The following HOOK1 variants were observed in gnomAD, a reference collection of about 807,000 sequenced individuals.
The protein encoded by HOOK1 is protein Hook homolog 1.
HOOK1 carries 60 observed loss-of-function variants against 112.8 expected under a neutral mutation model. That is an observed-to-expected ratio of 0.53 (90% confidence interval 0.43 to 0.66). The LOEUF (loss-of-function observed/expected upper bound fraction) is 0.66, where lower values mean the gene tolerates loss of function less well. Ranked by LOEUF, HOOK1 falls within the 30% of genes least tolerant of loss-of-function variation. The pLI is 0.00. For missense variants in HOOK1, 770 were observed against 856.0 expected, an observed-to-expected ratio of 0.90 and a Z score of 1.25; for synonymous variants, 294 against 283.8, an observed-to-expected ratio of 1.04 and a Z score of -0.36.
chr1:59,859,889 C>G (rs2098412652), intron 14 of HOOK1, among the ~76,000 whole-genome samples: 1 of 151,982 alleles, frequency 6.6e-6, no homozygotes, highest in African/African-American at 2.4e-5. Context: ...TCTATTATCT[C>G]TTCAGGAATG....
chr1:59,815,380 G>A lies in HOOK1; in HGVS notation c.63+200G>A. On this transcript the variant is annotated intron_variant, in intron 1 of 21. Coordinates refer to ENST00000371208, the MANE Select transcript of HOOK1 (RefSeq NM_015888.6). ...TGTGGGCGCGGGTTGGTGTCCGGGG[G>A]TGGGGGTAAAGGAAGCTCTGGGAGC... 14 of 594,644 alleles carry A rather than the reference G, an allele frequency of 2.4e-5. No homozygotes were observed. In the South Asian group the frequency reaches 2.6e-4, roughly 11 times the overall value. 36.8% of individuals were successfully genotyped at this position (594,644 alleles called of 1,614,324 possible). A position where few individuals can be genotyped will look rare whatever the true frequency, so the allele number is the denominator to read the frequency against.
rs138966907 is a variant in HOOK1, at chr1:59,824,433, C to G, written c.149+2490C>G. 5.1e-3 allele frequency among the ~76,000 whole-genome samples: 782 copies of G among 152,194 alleles called. 6 individuals are homozygous for G. The highest frequency in any genetic ancestry group is 0.018 in the African/African-American group (748 of 41,524). On this transcript the variant is annotated intron_variant, in intron 2 of 21. Transcript: ENST00000371208. ...ATGTTGGTCAGGCAGGTCTTGAACT[C>G]CTGACCTCATGATCCGCCCACCTTG... is the stretch of plus-strand genomic sequence containing the variant.
intron 16 of HOOK1, 98 bp from the exon 17 acceptor site, chr1:59,864,534 T>C: frequency 1.4e-6 from 1 of 728,802 alleles, no homozygotes; most frequent in Non-Finnish European, 2.4e-6. Context: ...TAATTTTGCC[T>C]GGTACACCTT....
At chr1:59,867,222 A>G (rs1240947409) in intron 19 of HOOK1, among the ~76,000 whole-genome samples, 1 of 152,192 alleles carries the variant, frequency 6.6e-6, no homozygotes, top group Admixed American at 6.5e-5. Flanking sequence ...ACAAATCACA[A>G]CCATTTATCA....
intron 19 of HOOK1, 34 bp downstream of exon 19, chr1:59,866,006 GTGGC>G (rs764699006): frequency 1.4e-5 from 17 of 1,200,366 alleles, no homozygotes; most frequent in Non-Finnish European, 2.1e-5. Context: ...TCAAGACTTT[GTGGC>G]CTGTGTTTTA....
intron 1 of HOOK1, among the ~76,000 whole-genome samples, chr1:59,820,724 A>G (rs2098385007): frequency 6.6e-6 from 1 of 152,120 alleles, no homozygotes; most frequent in African/African-American, 2.4e-5. Context: ...GGGACTTACC[A>G]TATTGTCTAG....
At chr1:59,847,413 A>G (rs1318732094) in intron 10 of HOOK1, among the ~76,000 whole-genome samples, 2 of 151,610 alleles carry the variant, frequency 1.3e-5, no homozygotes, top group African/African-American at 4.8e-5. Context: ...AGAACCCATA[A>G]ACCCAAAATG....
chr1:59,853,705 CAGTTT>C (rs1480605754), intron 12 of HOOK1, among the ~76,000 whole-genome samples: 2 of 151,590 alleles, frequency 1.3e-5, no homozygotes, highest in East Asian at 3.9e-4. Flanking sequence ...TTCAATACAC[CAGTTT>C]AGTTCCTTAG....
chr1:59,827,871 T>G (rs2098391117), intron 2 of HOOK1, among the ~76,000 whole-genome samples: 2 of 152,240 alleles, frequency 1.3e-5, no homozygotes, highest in South Asian at 4.2e-4. Context: ...CTATTTTAGT[T>G]GGCATACCTG....
intron 1 of HOOK1, among the ~76,000 whole-genome samples, chr1:59,815,585 G>C (rs1367052919): frequency 6.6e-6 from 1 of 151,912 alleles, no homozygotes; most frequent in Non-Finnish European, 1.5e-5. Flanking sequence ...CCGCTTGGGC[G>C]TGAAGACCCT....
At chr1:59,846,153 ATTCTC>A (rs1242029325) in intron 9 of HOOK1, among the ~76,000 whole-genome samples, 3 of 151,912 alleles carry the variant, frequency 2.0e-5, no homozygotes, top group African/African-American at 7.2e-5. Context: ...TCTTCATAAT[ATTCTC>A]TTCTTATCCT....
chr1:59,831,970 C>A (rs1032079541), intron 3 of HOOK1, among the ~76,000 whole-genome samples, 193 bp from the exon 4 acceptor site: 5 of 152,174 alleles, frequency 3.3e-5, no homozygotes, highest in Admixed American at 3.3e-4. Context: ...TAAATAGAAT[C>A]ACCCTACTTA....
chr1:59,828,766 T>G lies in HOOK1; in HGVS notation c.150-14T>G, dbSNP rs2098391758. On this transcript the variant is annotated splice_polypyrimidine_tract_variant and intron_variant, in intron 2 of 21. Coordinates refer to ENST00000371208, the MANE Select transcript of HOOK1 (RefSeq NM_015888.6). ...ACATTTTCATCTTTAGTATTTTTTT[T>G]GTTGTTGTTTCAGTGATGCAGCTTG... 1 of 1,607,472 alleles carries G rather than the reference T, an allele frequency of 6.2e-7. No homozygotes were observed. Among genetic ancestry groups the G allele is most frequent in the South Asian group, 1.1e-5 (1 of 89,264 alleles).
Position 59,873,943 on chromosome 1 carries a change from C to T in HOOK1, c.*978C>T, listed in dbSNP as rs1230808897. 6.6e-6 allele frequency: 1 copy of T among 151,636 alleles called. No homozygotes were observed. The highest frequency in any genetic ancestry group is 1.5e-5 in the Non-Finnish European group (1 of 67,894). The allele number at this position is 151,636 out of a possible 1,614,324, so 9.4% of individuals were successfully genotyped here. ...GGTGGGATCAGTTTGATTTTGTTTA[C>T]TTATTAAGGAGTTTATCTTGGGCTC... On this transcript the variant is annotated 3_prime_UTR_variant, in exon 22 of 22. Coordinates refer to ENST00000371208, the MANE Select transcript of HOOK1 (RefSeq NM_015888.6).
At chr1:59,830,437 A>T (rs2098393060) in intron 3 of HOOK1, among the ~76,000 whole-genome samples, 1 of 152,126 alleles carries the variant, frequency 6.6e-6, no homozygotes, top group Non-Finnish European at 1.5e-5. Flanking sequence ...CTTATTATGA[A>T]ATGCTTTTCT....
intron 2 of HOOK1, among the ~76,000 whole-genome samples, chr1:59,827,068 A>T (rs1332054123): frequency 6.7e-6 from 1 of 149,950 alleles, no homozygotes; most frequent in Admixed American, 6.6e-5. Flanking sequence ...CTGGCCCAAG[A>T]TTTTTTTTTT....
At chr1:59,852,702 G>GT (rs1045070021) in intron 12 of HOOK1, among the ~76,000 whole-genome samples, 9 of 148,310 alleles carry the variant, frequency 6.1e-5, no homozygotes, top group South Asian at 2.1e-4. Context: ...TTGTATATAA[G>GT]TTTTTTTTTC....
At chr1:59,869,700 C>T (rs991454369) in intron 20 of HOOK1, among the ~76,000 whole-genome samples, 91 of 152,154 alleles carry the variant, frequency 6.0e-4, no homozygotes, top group Non-Finnish European at 1.6e-4. Flanking sequence ...GACACCAACC[C>T]GATACGCCCT....
intron 15 of HOOK1, among the ~76,000 whole-genome samples, chr1:59,861,966 C>G (rs1304527344): frequency 6.6e-6 from 1 of 152,282 alleles, no homozygotes; most frequent in East Asian, 1.9e-4. Context: ...GTTGTTAGCA[C>G]TTTTCTGAAG....
Sources: gnomAD v4.1 joint callset for allele counts (sites outside exome capture counted in the v4.1 genomes callset) on GRCh38, gnomAD v4.1.1 for gene constraint, MANE v1.5 for transcripts, NCBI Gene and HGNC (gene_info 2026-07-23, HGNC 2026-07-21) for gene names.